Variants in TRIM44 observed in about 807,000 individuals in gnomAD.
The protein encoded by TRIM44 is tripartite motif-containing protein 44.
In TRIM44, 13 loss-of-function variants were observed where a neutral mutation model predicts 37.4. The observed-to-expected ratio is 0.35, with a 90% CI of 0.23 to 0.55. The LOEUF is 0.55. Among genes scored for constraint, TRIM44 ranks in the 20% least tolerant of loss-of-function variants. The pLI is 0.89. For missense variants in TRIM44, 426 were observed against 437.2 expected, an observed-to-expected ratio of 0.97 and a Z score of 0.23; for synonymous variants, 175 against 157.2, an observed-to-expected ratio of 1.11 and a Z score of -0.85.
intron 1 of TRIM44, among the ~76,000 whole-genome samples, chr11:35,670,556 C>T (rs532988334): frequency 2.6e-5 from 4 of 152,210 alleles, no homozygotes; most frequent in African/African-American, 7.2e-5. Context: ...ACACTTAGTA[C>T]GTCTTGGAAA....
chr11:35,773,448 A>G (rs1161027986), intron 4 of TRIM44, among the ~76,000 whole-genome samples: 1 of 151,738 alleles, frequency 6.6e-6, no homozygotes, highest in African/African-American at 2.4e-5. Flanking sequence ...TACTCGGTGG[A>G]TAGTTTATTT....
chr11:35,782,473 T>C (rs914662899), intron 4 of TRIM44, among the ~76,000 whole-genome samples: 4 of 152,174 alleles, frequency 2.6e-5, no homozygotes, highest in Non-Finnish European at 4.4e-5. Context: ...AGAATAAATT[T>C]GGAGATGAGT....
intron 3 of TRIM44, among the ~76,000 whole-genome samples, chr11:35,730,859 T>G (rs573302092): frequency 3.3e-5 from 5 of 150,692 alleles, no homozygotes; most frequent in African/African-American, 1.2e-4. Flanking sequence ...ATCTTTTTTT[T>G]TTTTTTTTTT....
intron 2 of TRIM44, among the ~76,000 whole-genome samples, chr11:35,705,933 G>C (rs1851872852): frequency 6.7e-6 from 1 of 148,716 alleles, no homozygotes; most frequent in African/African-American, 2.4e-5. Flanking sequence ...GAAGGAAACA[G>C]AGACACAAAA....
intron 4 of TRIM44, among the ~76,000 whole-genome samples, chr11:35,770,648 T>C (rs1048005195): frequency 1.3e-5 from 2 of 152,210 alleles, no homozygotes; most frequent in African/African-American, 2.4e-5. Context: ...GGATTAGTAA[T>C]GTTGAACATT....
intron 4 of TRIM44, among the ~76,000 whole-genome samples, chr11:35,796,707 A>T (rs531974980): frequency 6.6e-6 from 1 of 152,174 alleles, no homozygotes; most frequent in South Asian, 2.1e-4. Flanking sequence ...CACTGGGGGG[A>T]GGAAAGGGAA....
At chr11:35,795,128 A>G (rs796648372) in intron 4 of TRIM44, among the ~76,000 whole-genome samples, 3 of 152,248 alleles carry the variant, frequency 2.0e-5, no homozygotes, top group African/African-American at 4.8e-5. Context: ...AGATCAGCTT[A>G]CTTGGGGAAC....
chr11:35,724,138 T>C (rs1852140769), intron 2 of TRIM44: 1 of 152,186 alleles, frequency 6.6e-6, no homozygotes, highest in African/African-American at 2.4e-5. Context: ...ACAGGCCTTA[T>C]TTTGCACTGA....
chr11:35,780,181 G>A lies in TRIM44; in HGVS notation c.1008-26177G>A, dbSNP rs4756254. Among the ~76,000 whole-genome samples the A allele has an allele frequency of 0.014, 2,115 of 152,190 alleles. 117 individuals carry two copies. The East Asian group carries it at 0.14, about 10-fold the overall frequency. On this transcript the variant is annotated intron_variant, in intron 4 of 4. Transcript: ENST00000299413. Reference sequence around the variant, plus strand: ...TTTGATGGCTTTGAATACCTTGCAGGATGAGACCAGAGGAAGTACATGTGG... The same window carrying A: ...TTTGATGGCTTTGAATACCTTGCAGAATGAGACCAGAGGAAGTACATGTGG...
intron 4 of TRIM44, among the ~76,000 whole-genome samples, chr11:35,749,490 G>A (rs1258218749): frequency 6.6e-6 from 1 of 152,178 alleles, no homozygotes; most frequent in Admixed American, 6.5e-5. Flanking sequence ...TTCCAGACCA[G>A]CCTGGCCAAC....
In TRIM44 at chr11:35,813,401, A is replaced by G. The variant is rs1377747630; in HGVS notation, c.*7016A>G. 1 of 152,212 alleles carries G rather than the reference A, an allele frequency of 6.6e-6. No individual in the cohort carries two copies. The highest frequency in any genetic ancestry group is 1.5e-5 in the Non-Finnish European group (1 of 68,042). The allele number at this position is 152,212 out of a possible 1,614,324, so 9.4% of individuals were successfully genotyped here. A position where few individuals can be genotyped will look rare whatever the true frequency, so the allele number is the denominator to read the frequency against. On this transcript the variant is annotated 3_prime_UTR_variant, in exon 5 of 5. Transcript: ENST00000299413. ...CAACCAATTGAAATAAATACCATGAAGCAAACGCATAAGACAAAGGCCATA... is the reference window on the plus strand; with the variant it reads ...CAACCAATTGAAATAAATACCATGAGGCAAACGCATAAGACAAAGGCCATA...
chr11:35,683,981 A>T (rs571375611), intron 1 of TRIM44, among the ~76,000 whole-genome samples: 1 of 152,278 alleles, frequency 6.6e-6, no homozygotes, highest in South Asian at 2.1e-4. Flanking sequence ...GTACCTTGAC[A>T]TACATTAACT....
chr11:35,724,855 C>T (rs1011626761), intron 2 of TRIM44, among the ~76,000 whole-genome samples: 2 of 152,156 alleles, frequency 1.3e-5, no homozygotes, highest in South Asian at 4.1e-4. Flanking sequence ...ATACATCTTT[C>T]TCAGAAGGCA....
chr11:35,799,753 T>C (rs771909511), intron 4 of TRIM44, among the ~76,000 whole-genome samples: 1 of 152,162 alleles, frequency 6.6e-6, no homozygotes, highest in Non-Finnish European at 1.5e-5. Context: ...TGAGTTTATG[T>C]ATATAGATGT....
At chr11:35,700,089 G>C (rs1294091460) in intron 2 of TRIM44, among the ~76,000 whole-genome samples, 1 of 152,106 alleles carries the variant, frequency 6.6e-6, no homozygotes, top group Non-Finnish European at 1.5e-5. Flanking sequence ...CACAGAACTG[G>C]AAAAAACTAC....
intron 1 of TRIM44, among the ~76,000 whole-genome samples, chr11:35,673,545 C>T (rs1446452879): frequency 6.6e-6 from 1 of 152,162 alleles, no homozygotes; most frequent in Non-Finnish European, 1.5e-5. Context: ...GGGGATTTAA[C>T]ATTGATGGTG....
intron 2 of TRIM44, among the ~76,000 whole-genome samples, chr11:35,710,252 T>TAG (rs1006266846): frequency 2.0e-5 from 3 of 151,974 alleles, no homozygotes; most frequent in South Asian, 2.1e-4. Flanking sequence ...TATATATATA[T>TAG]AGAGAGAGAG....
chr11:35,735,592 T>TG, intron 4 of TRIM44, 147 bp downstream of exon 4: 1 of 782,660 alleles, frequency 1.3e-6, no homozygotes, highest in Non-Finnish European at 2.1e-6. Context: ...GATCTTATTT[T>TG]GTAAGACTCC....
chr11:35,669,455 CCTTT>C (rs1283676770), intron 1 of TRIM44, among the ~76,000 whole-genome samples: 2 of 140,622 alleles, frequency 1.4e-5, no homozygotes, highest in African/African-American at 2.6e-5. Context: ...GAAAGGATCC[CCTTT>C]ATTTATTTAT....
Sources: gnomAD v4.1 joint callset for allele counts (sites outside exome capture counted in the v4.1 genomes callset) on GRCh38, gnomAD v4.1.1 for gene constraint, MANE v1.5 for transcripts, NCBI Gene and HGNC (gene_info 2026-07-23, HGNC 2026-07-21) for gene names.